Variants in SGIP1 observed in about 807,000 individuals in gnomAD.
The protein encoded by SGIP1 is SH3GL interacting endocytic adaptor 1.
In SGIP1, 38 loss-of-function variants were observed where a neutral mutation model predicts 107.5. The ratio of observed to expected loss-of-function variants is 0.35; its 90% CI spans 0.27 to 0.46. The LOEUF is 0.46. Among genes scored for constraint, SGIP1 ranks in the 20% least tolerant of loss-of-function variants. SGIP1 has a pLI of 1.00. For synonymous variants in SGIP1, 365 were observed against 366.1 expected (o/e 1.00, Z 0.03); for missense variants, 929 against 1,019.5 (o/e 0.91, Z 1.21).
chr1:66,665,460 G>T (rs2082332694), intron 8 of SGIP1, among the ~76,000 whole-genome samples: 1 of 152,188 alleles, frequency 6.6e-6, no homozygotes, highest in Admixed American at 6.5e-5. Flanking sequence ...ATAGCAGCAT[G>T]ATTTATAATC....
At chr1:66,599,901 A>G (rs1275898862) in intron 1 of SGIP1, among the ~76,000 whole-genome samples, 3 of 152,180 alleles carry the variant, frequency 2.0e-5, no homozygotes, top group African/African-American at 7.2e-5. Context: ...CTCCAATTGA[A>G]CACTAAAGAG....
rs751341767 is a variant in SGIP1 at position 66,681,864 on chromosome 1, C to G, written c.815-5C>G. ...AAAGTTTAAAATCAACTACTTTAAC[C>G]ACAGGAAATGACCAGTCAGCCACAG... On this transcript the variant is annotated splice_region_variant and splice_polypyrimidine_tract_variant and intron_variant, in intron 14 of 24. Coordinates refer to ENST00000371037, the MANE Select transcript of SGIP1 (RefSeq NM_032291.4). 2 of 1,606,254 alleles carry G rather than the reference C, an allele frequency of 1.2e-6. No homozygotes were observed. The highest frequency in any genetic ancestry group is 1.1e-5 in the South Asian group (1 of 89,902).
chr1:66,694,468 C>G, intron 17 of SGIP1: 7 of 1,608,444 alleles, frequency 4.4e-6, no homozygotes, highest in Non-Finnish European at 5.9e-6. Context: ...TTATGACAAA[C>G]TGCCCTCGTT....
intron 1 of SGIP1, among the ~76,000 whole-genome samples, chr1:66,591,235 A>G (rs887179690): frequency 2.0e-5 from 3 of 152,152 alleles, no homozygotes; most frequent in African/African-American, 7.2e-5. Flanking sequence ...CAACAATGCC[A>G]TATTCCTGCT....
At chr1:66,623,134 A>G (rs1354037284) in intron 1 of SGIP1, among the ~76,000 whole-genome samples, 1 of 152,232 alleles carries the variant, frequency 6.6e-6, no homozygotes, top group Non-Finnish European at 1.5e-5. Flanking sequence ...CTTCTGAAAG[A>G]TTCATTAAGA....
chr1:66,584,212 G>T (rs2062220577), intron 1 of SGIP1, among the ~76,000 whole-genome samples: 1 of 151,948 alleles, frequency 6.6e-6, no homozygotes, highest in Admixed American at 6.6e-5. Flanking sequence ...CCTATATCTA[G>T]TATAGGTGCT....
intron 12 of SGIP1, 102 bp from the exon 13 acceptor site, chr1:66,676,902 G>A (rs2085502476): frequency 1.1e-6 from 1 of 871,864 alleles, no homozygotes; most frequent in Non-Finnish European, 1.8e-6. Flanking sequence ...GAGACAAGAG[G>A]AAAATAATTT....
At chr1:66,647,595 T>G (rs1266931241) in intron 7 of SGIP1, among the ~76,000 whole-genome samples, 2 of 152,230 alleles carry the variant, frequency 1.3e-5, no homozygotes, top group African/African-American at 4.8e-5. Flanking sequence ...TTCAGAGAGT[T>G]CATTAGGAAA....
chr1:66,676,458 T>C (rs2085352343), intron 12 of SGIP1, among the ~76,000 whole-genome samples: 1 of 152,220 alleles, frequency 6.6e-6, no homozygotes, highest in Non-Finnish European at 1.5e-5. Flanking sequence ...AAGCACTCAT[T>C]TTTCTGGTTC....
intron 18 of SGIP1, among the ~76,000 whole-genome samples, chr1:66,716,443 C>T (rs2093248418): frequency 1.3e-5 from 2 of 152,108 alleles, no homozygotes; most frequent in African/African-American, 2.4e-5. Flanking sequence ...CTTTTCTCAT[C>T]ATTTTTATCT....
At chr1:66,708,937 A>G (rs1175032544) in intron 18 of SGIP1, among the ~76,000 whole-genome samples, 3 of 151,864 alleles carry the variant, frequency 2.0e-5, no homozygotes, top group African/African-American at 7.3e-5. Flanking sequence ...TTATTTATTT[A>G]TGTATTTATT....
At chr1:66,723,085 A>G (rs546281563) in intron 19 of SGIP1, among the ~76,000 whole-genome samples, 1 of 152,354 alleles carries the variant, frequency 6.6e-6, no homozygotes, top group Non-Finnish European at 1.5e-5. Flanking sequence ...TGACACTCAT[A>G]TATTTAATTT....
intron 18 of SGIP1, among the ~76,000 whole-genome samples, chr1:66,696,461 A>G (rs1255616776): frequency 6.6e-6 from 1 of 152,206 alleles, no homozygotes. Context: ...ATGGCAACAA[A>G]ATAGAATTTT....
intron 1 of SGIP1, among the ~76,000 whole-genome samples, chr1:66,590,915 A>G (rs1002897450): frequency 6.6e-6 from 1 of 152,150 alleles, no homozygotes; most frequent in Non-Finnish European, 1.5e-5. Flanking sequence ...TGAGAAATAC[A>G]TTTTCTTTCT....
At position 66,639,788 on chromosome 1, in the gene SGIP1, T is replaced by C. The variant is rs762812337; in HGVS notation, c.183T>C (p.Asn61=). Reference sequence around the variant, plus strand: ...CAAATTTATTACAGAAGAAAAGCAATGGGGCACCAAATGGATTTTATGCGG... The same window carrying C: ...CAAATTTATTACAGAAGAAAAGCAACGGGGCACCAAATGGATTTTATGCGG... The part of the protein sequence containing the change: ...EGGKKVSKKS[N]GAPNGFYAEI... The change falls in exon 5 of 25, where the codon AAT becomes AAC. Residue 61 remains asparagine, a synonymous_variant. Transcript: ENST00000371037. 7 of 1,611,640 alleles carry C rather than the reference T, an allele frequency of 4.3e-6. No individual in the cohort carries two copies. Among genetic ancestry groups the C allele is most frequent in the Non-Finnish European group, 5.9e-6 (7 of 1,178,572 alleles).
At chr1:66,721,085 T>C (rs1011218780) in intron 19 of SGIP1, among the ~76,000 whole-genome samples, 3 of 152,178 alleles carry the variant, frequency 2.0e-5, no homozygotes, top group Admixed American at 2.0e-4. Context: ...AAACAAGCAC[T>C]GTGGACCCTG....
chr1:66,707,993 TG>T (rs2092642461), intron 18 of SGIP1, among the ~76,000 whole-genome samples: 1 of 152,160 alleles, frequency 6.6e-6, no homozygotes, highest in Non-Finnish European at 1.5e-5. Context: ...TTATCCCCTT[TG>T]GGGTGATACT....
chr1:66,703,933 A>G (rs1326635859), intron 18 of SGIP1, among the ~76,000 whole-genome samples: 2 of 151,970 alleles, frequency 1.3e-5, no homozygotes, highest in Admixed American at 1.3e-4. Flanking sequence ...TAAGCCTTCT[A>G]GATCTTAGTT....
chr1:66,714,933 T>C (rs1253249117), intron 18 of SGIP1, among the ~76,000 whole-genome samples: 1 of 152,170 alleles, frequency 6.6e-6, no homozygotes, highest in African/African-American at 2.4e-5. Flanking sequence ...TTTCCAATAA[T>C]GCTACTAAAC....
Sources: allele counts gnomAD v4.1 joint callset (sites outside exome capture counted in the v4.1 genomes callset), GRCh38; gene constraint gnomAD v4.1.1; transcripts MANE v1.5; gene names NCBI Gene and HGNC (gene_info 2026-07-23, HGNC 2026-07-21).